The following UGT1A4 variants were observed in gnomAD, a reference collection of about 807,000 sequenced individuals.
UGT1A4 encodes UDP glucuronosyltransferase family 1 member A4.
Under a neutral mutation model 41.1 loss-of-function variants are expected in UGT1A4, and 32 were observed. That is an observed-to-expected ratio of 0.78 (90% confidence interval 0.59 to 1.05). The LOEUF (loss-of-function observed/expected upper bound fraction) is 1.05. Among genes scored for constraint, UGT1A4 ranks in the 50% least tolerant of loss-of-function variants. UGT1A4 has a pLI of 0.00. For missense variants in UGT1A4, 748 were observed against 677.4 expected (o/e 1.10, Z -1.16); for synonymous variants, 283 against 265.1 (o/e 1.07, Z -0.66).
At chr2:233,736,528 A>T (rs895463431) in intron 1 of UGT1A4, among the ~76,000 whole-genome samples, 1 of 152,204 alleles carries the variant, frequency 6.6e-6, no homozygotes, top group African/African-American at 2.4e-5. Context: ...CGTCAAAGTC[A>T]TTCTCTTTCC....
In UGT1A4 at chr2:233,769,857, CAAAAA is replaced by C; in HGVS notation, c.1307+1431_1307+1435del. On this transcript the variant is annotated intron_variant, in intron 4 of 4. Coordinates refer to ENST00000373409, the MANE Select transcript of UGT1A4 (RefSeq NM_007120.3). This position sits in a 1 kb window ranked among gnomAD's most constrained non-coding sequence, Gnocchi z 4.4. ...TGGGCAACAGAGTGAGACCCTGTCT[CAAAAA>C]AAAAAAAAAAAATGAAAAGTCCACA... The C allele has an allele frequency of 3.2e-4, 71 of 223,570 alleles. No homozygotes were observed. Among genetic ancestry groups the C allele is most frequent in the South Asian group, 7.7e-4 (7 of 9,102 alleles). The allele number at this position is 223,570 out of a possible 1,614,324, so 13.8% of individuals were successfully genotyped here.
rs939644938 is a variant in UGT1A4 at position 233,772,877 on chromosome 2, G to A, written c.*318G>A. On this transcript the variant is annotated 3_prime_UTR_variant, in exon 5 of 5. Coordinates refer to ENST00000373409, the MANE Select transcript of UGT1A4 (RefSeq NM_007120.3). Reference sequence around the variant, plus strand: ...TGAAACATGGCCTGTTTGGGAGTGCGGGATTCAAAGGTGGTCCCACGGCTG... The same window carrying A: ...TGAAACATGGCCTGTTTGGGAGTGCAGGATTCAAAGGTGGTCCCACGGCTG... 4.0e-5 allele frequency: 23 copies of A among 579,274 alleles called. No individual in the cohort carries two copies. The highest frequency in any genetic ancestry group is 3.1e-4 in the East Asian group (6 of 19,490). The allele number at this position is 579,274 out of a possible 1,614,324, so 35.9% of individuals were successfully genotyped here. A position where few individuals can be genotyped will look rare whatever the true frequency, so the allele number is the denominator to read the frequency against.
At chr2:233,724,348 C>T (rs1263010840) in intron 1 of UGT1A4, among the ~76,000 whole-genome samples, 5 of 144,562 alleles carry the variant, frequency 3.5e-5, no homozygotes, top group Non-Finnish European at 7.6e-5. Flanking sequence ...TGACCCCCCC[C>T]ACCTCCCTCC....
chr2:233,761,218 C>T (rs1697719268), intron 1 of UGT1A4: 4 of 1,613,576 alleles, frequency 2.5e-6, no homozygotes, highest in Middle Eastern at 1.6e-4. Flanking sequence ...GATCGATTAA[C>T]TAGCCCCAGA....
intron 1 of UGT1A4, among the ~76,000 whole-genome samples, chr2:233,722,626 G>A (rs1272001840): frequency 6.6e-6 from 1 of 152,128 alleles, no homozygotes; most frequent in African/African-American, 2.4e-5. Context: ...TCTTAATGAA[G>A]CATTGAGGGC....
intron 1 of UGT1A4, chr2:233,754,389 C>A: frequency 3.3e-6 from 1 of 302,106 alleles, no homozygotes; most frequent in Non-Finnish European, 6.5e-6. Context: ...AAACAGAGGT[C>A]CTATCCGTGC....
At chr2:233,765,145 T>A (rs1698762439) in intron 1 of UGT1A4, among the ~76,000 whole-genome samples, 1 of 152,138 alleles carries the variant, frequency 6.6e-6, no homozygotes, top group Admixed American at 6.5e-5. Context: ...ACATCACATG[T>A]CCTAGGGAAC....
chr2:233,725,023 C>G lies in UGT1A4; in HGVS notation c.867+5336C>G, dbSNP rs559276677. Among the ~76,000 whole-genome samples the G allele has an allele frequency of 5.4e-5, 8 of 148,360 alleles. 2 individuals carry two copies. The highest frequency in any genetic ancestry group is 1.2e-4 in the Non-Finnish European group (8 of 67,378). Reference sequence around the variant, plus strand: ...ACCGGCCCGGCCAAACAGCAAAACCCGGTCTCCACCAAAACCAGTCAGGCG... The same window carrying G: ...ACCGGCCCGGCCAAACAGCAAAACCGGGTCTCCACCAAAACCAGTCAGGCG... On this transcript the variant is annotated intron_variant, in intron 1 of 4. Coordinates refer to ENST00000373409, the MANE Select transcript of UGT1A4 (RefSeq NM_007120.3).
intron 1 of UGT1A4, among the ~76,000 whole-genome samples, chr2:233,736,432 A>G (rs1471757710): frequency 6.6e-6 from 1 of 152,142 alleles, no homozygotes; most frequent in East Asian, 1.9e-4. Flanking sequence ...TCAAGGTTCA[A>G]CCTTCCTTGC....
At chr2:233,733,817 C>T (rs994930501) in intron 1 of UGT1A4, among the ~76,000 whole-genome samples, 1 of 152,092 alleles carries the variant, frequency 6.6e-6, no homozygotes, top group Admixed American at 6.5e-5. Flanking sequence ...ATGCTGGCCT[C>T]ATAAAATGAG....
intron 4 of UGT1A4, among the ~76,000 whole-genome samples, chr2:233,768,739 C>T (rs542073297): frequency 1.3e-5 from 2 of 151,854 alleles, no homozygotes; most frequent in African/African-American, 4.8e-5. Context: ...TCCACCACCA[C>T]GCCCGGTTAA....
At chr2:233,744,570 G>A (rs1351867033) in intron 1 of UGT1A4, among the ~76,000 whole-genome samples, 1 of 151,848 alleles carries the variant, frequency 6.6e-6, no homozygotes, top group Non-Finnish European at 1.5e-5. Flanking sequence ...TGAGAAGAGT[G>A]GCATCGTTTT....
intron 1 of UGT1A4, chr2:233,729,055 T>C (rs1328959185): frequency 6.2e-7 from 1 of 1,609,844 alleles, no homozygotes; most frequent in East Asian, 2.2e-5. Context: ...GACAAGGTAA[T>C]TAAGATGAAG....
intron 3 of UGT1A4, 29 bp downstream of exon 3, chr2:233,767,965 C>T: frequency 3.1e-6 from 5 of 1,614,098 alleles, no homozygotes; most frequent in Non-Finnish European, 4.2e-6. Context: ...ATGTATAGGT[C>T]AAACCAGGGT....
chr2:233,742,167 C>G (rs1211667030), intron 1 of UGT1A4, among the ~76,000 whole-genome samples: 2 of 151,916 alleles, frequency 1.3e-5, no homozygotes, highest in Non-Finnish European at 2.9e-5. Flanking sequence ...GACACACACA[C>G]AGAAATATAG....
intron 3 of UGT1A4, 137 bp downstream of exon 3, chr2:233,768,073 G>T: frequency 6.3e-7 from 1 of 1,593,970 alleles, no homozygotes; most frequent in Non-Finnish European, 8.6e-7. Context: ...TATCTAGTGG[G>T]GTATCTCAAC....
Position 233,769,043 on chromosome 2 carries a change from C to T in UGT1A4, c.1307+604C>T, listed in dbSNP as rs1699778649. 6.6e-6 allele frequency among the ~76,000 whole-genome samples: 1 copy of T among 152,118 alleles called. No individual in the cohort carries two copies. The highest frequency in any genetic ancestry group is 1.5e-5 in the Non-Finnish European group (1 of 68,028). On this transcript the variant is annotated intron_variant, in intron 4 of 4. Coordinates refer to ENST00000373409, the MANE Select transcript of UGT1A4 (RefSeq NM_007120.3). This position sits in a 1 kb window ranked among gnomAD's most constrained non-coding sequence, Gnocchi z 4.4. ...AAAGTTGCCATAATAGACATCTGATCCATAAGTTTCCTGCACAGAAAGAAA... is the reference window on the plus strand; with the variant it reads ...AAAGTTGCCATAATAGACATCTGATTCATAAGTTTCCTGCACAGAAAGAAA...
chr2:233,753,396 G>C (rs1209022223), intron 1 of UGT1A4: 4 of 152,212 alleles, frequency 2.6e-5, no homozygotes, highest in South Asian at 2.1e-4. Context: ...GAGGGTACTA[G>C]AGCATATCCA....
chr2:233,754,764 C>T (rs570859528), intron 1 of UGT1A4: 2 of 981,308 alleles, frequency 2.0e-6, no homozygotes, highest in East Asian at 6.0e-5. Flanking sequence ...AAGGCCCCCA[C>T]TTCCCAGGGA....
Sources: gnomAD v4.1 joint callset for allele counts (sites outside exome capture counted in the v4.1 genomes callset) on GRCh38, gnomAD v4.1.1 for gene constraint, Gnocchi (gnomAD v3.1) non-coding constraint, MANE v1.5 for transcripts, NCBI Gene and HGNC (gene_info 2026-07-23, HGNC 2026-07-21) for gene names.